Variants in PCMT1 observed in about 807,000 individuals in gnomAD.
PCMT1 encodes the protein protein-L-isoaspartate (D-aspartate) O-methyltransferase.
A neutral mutation model predicts 29.2 loss-of-function variants in PCMT1; 9 were observed. The ratio of observed to expected loss-of-function variants is 0.31; its 90% CI spans 0.19 to 0.54. PCMT1 has a LOEUF of 0.54. Ranked by LOEUF, PCMT1 falls within the 20% of genes least tolerant of loss-of-function variation. PCMT1 has a pLI of 0.95. For missense variants in PCMT1, 184 were observed against 282.2 expected (o/e 0.65, Z 2.49); for synonymous variants, 98 against 97.5 (o/e 1.00, Z -0.03).
intron 3 of PCMT1, among the ~76,000 whole-genome samples, chr6:149,783,452 A>G (rs1787896576): frequency 1.3e-5 from 2 of 152,122 alleles, no homozygotes; most frequent in Non-Finnish European, 1.5e-5. Flanking sequence ...AATTATAAAG[A>G]AAAAAATATG....
chr6:149,806,701 C>G (rs190535478), intron 7 of PCMT1, among the ~76,000 whole-genome samples: 2 of 152,118 alleles, frequency 1.3e-5, no homozygotes. Context: ...GCGATCCCCC[C>G]TGCCTCAGCC....
At chr6:149,764,934 T>G (rs1165436651) in intron 1 of PCMT1, among the ~76,000 whole-genome samples, 11 of 140,812 alleles carry the variant, frequency 7.8e-5, no homozygotes, top group East Asian at 2.1e-4. Context: ...CCAGCTACTC[T>G]GGAGGCTGAG....
At chr6:149,803,050 C>A (rs2115341126) in intron 7 of PCMT1, among the ~76,000 whole-genome samples, 1 of 22,770 alleles carries the variant, frequency 4.4e-5, no homozygotes, top group African/African-American at 1.9e-4. Context: ...AAGGCTCTGT[C>A]TCAAAAAAAA....
At chr6:149,763,726 A>T (rs550532922) in intron 1 of PCMT1, among the ~76,000 whole-genome samples, 1 of 152,308 alleles carries the variant, frequency 6.6e-6, no homozygotes, top group Non-Finnish European at 1.5e-5. Context: ...AAGAATGAAT[A>T]CAGTGAATAT....
At chr6:149,803,971 C>T (rs1775931645) in intron 7 of PCMT1, among the ~76,000 whole-genome samples, 1 of 149,746 alleles carries the variant, frequency 6.7e-6, no homozygotes, top group South Asian at 2.1e-4. Context: ...GTCCCAGGCA[C>T]TCAGGAGGCT....
intron 1 of PCMT1, among the ~76,000 whole-genome samples, chr6:149,755,372 A>T (rs1341442770): frequency 1.3e-5 from 2 of 152,068 alleles, no homozygotes; most frequent in African/African-American, 2.4e-5. Flanking sequence ...GGGTGCAGTA[A>T]GCCAAGATCA....
intron 3 of PCMT1, among the ~76,000 whole-genome samples, chr6:149,786,655 G>A (rs1328392600): frequency 5.3e-5 from 8 of 150,308 alleles, no homozygotes; most frequent in African/African-American, 2.0e-4. Flanking sequence ...GCCGGGCAGA[G>A]ACGCTCCTCA....
chr6:149,760,173 A>G (rs759074139), intron 1 of PCMT1, among the ~76,000 whole-genome samples: 1 of 152,090 alleles, frequency 6.6e-6, no homozygotes, highest in Non-Finnish European at 1.5e-5. Context: ...TGCTTACTGT[A>G]TCAGGTGTAA....
chr6:149,767,185 C>G (rs1023262660), intron 1 of PCMT1, among the ~76,000 whole-genome samples: 1 of 151,580 alleles, frequency 6.6e-6, no homozygotes, highest in Non-Finnish European at 1.5e-5. Context: ...CCAGCCTGGG[C>G]AACAGAGGAA....
chr6:149,796,343 C>T lies in PCMT1; in HGVS notation c.419-72C>T, dbSNP rs143103221. The T allele has an allele frequency of 2.3e-3, 2,114 of 923,054 alleles. 6 individuals carry two copies. Among genetic ancestry groups the T allele is most frequent in the Non-Finnish European group, 3.1e-3 (1,834 of 583,214 alleles). The allele number at this position is 923,054 out of a possible 1,614,324, so 57.2% of individuals were successfully genotyped here. ...AATCTATCCTTTCTCCATTGTAAAC[C>T]TCCTGTACTAGAATTCTTCACATTA... On this transcript the variant is annotated intron_variant, in intron 5 of 7. Transcript: ENST00000464889.
At chr6:149,778,600 T>A (rs916848531) in intron 3 of PCMT1, among the ~76,000 whole-genome samples, 1 of 152,050 alleles carries the variant, frequency 6.6e-6, no homozygotes, top group Non-Finnish European at 1.5e-5. Context: ...TACAGAAGCA[T>A]GATGATGGCC....
intron 1 of PCMT1, among the ~76,000 whole-genome samples, chr6:149,770,691 G>A (rs1365357465): frequency 7.6e-6 from 1 of 132,202 alleles, no homozygotes; most frequent in Non-Finnish European, 1.6e-5. Flanking sequence ...GGGCAACACA[G>A]CAAGACTCCA....
At chr6:149,781,501 A>G (rs370070218) in intron 3 of PCMT1, among the ~76,000 whole-genome samples, 3 of 152,266 alleles carry the variant, frequency 2.0e-5, no homozygotes, top group African/African-American at 4.8e-5. Context: ...TTGGGATTAC[A>G]GGCGTGAGCC....
At chr6:149,777,646 G>A (rs994310869) in intron 3 of PCMT1, among the ~76,000 whole-genome samples, 26 of 152,082 alleles carry the variant, frequency 1.7e-4, no homozygotes, top group African/African-American at 6.3e-4. Context: ...GCACATATAT[G>A]TTTTTCTTTG....
At chr6:149,799,029 C>T (rs1583055677) in intron 6 of PCMT1, 3 of 152,120 alleles carry the variant, frequency 2.0e-5, no homozygotes, top group Non-Finnish European at 4.4e-5. Context: ...TTCTGAAAGC[C>T]TCTAGAGGCC....
intron 6 of PCMT1, among the ~76,000 whole-genome samples, chr6:149,799,910 T>A (rs1788757703): frequency 6.6e-6 from 1 of 152,192 alleles, no homozygotes. Flanking sequence ...AATGATTGGT[T>A]GGATTGGGGG....
At chr6:149,806,224 T>A (rs1311582462) in intron 7 of PCMT1, among the ~76,000 whole-genome samples, 1 of 152,020 alleles carries the variant, frequency 6.6e-6, no homozygotes, top group Non-Finnish European at 1.5e-5. Context: ...TACAGTAACG[T>A]AGGAGATGCA....
Position 149,784,936 on chromosome 6 carries a change from G to T in PCMT1, c.193-5018G>T, listed in dbSNP as rs1787960477. On this transcript the variant is annotated intron_variant, in intron 3 of 7. Coordinates refer to ENST00000464889, the MANE Select transcript of PCMT1 (RefSeq NM_001360452.2). Reference sequence around the variant, plus strand: ...TATGTCTACTCCACGTTCAAAGTTTGCCAGGTGCTTAAAAATTTTTATAGT... The same window carrying T: ...TATGTCTACTCCACGTTCAAAGTTTTCCAGGTGCTTAAAAATTTTTATAGT... 2.0e-5 allele frequency among the ~76,000 whole-genome samples: 3 copies of T among 152,208 alleles called. No individual in the cohort carries two copies. The South Asian group carries it at 6.2e-4, about 32-fold the overall frequency.
At chr6:149,800,788 C>T (rs1775803834) in intron 6 of PCMT1, among the ~76,000 whole-genome samples, 2 of 152,108 alleles carry the variant, frequency 1.3e-5, no homozygotes, top group Admixed American at 6.6e-5. Flanking sequence ...GATAGGGATT[C>T]CTTGCTGATT....
Sources: allele counts gnomAD v4.1 joint callset (sites outside exome capture counted in the v4.1 genomes callset), GRCh38; gene constraint gnomAD v4.1.1; transcripts MANE v1.5; gene names NCBI Gene and HGNC (gene_info 2026-07-23, HGNC 2026-07-21).